The following PLXDC2 variants were observed in gnomAD, a reference collection of about 807,000 sequenced individuals.
PLXDC2 encodes plexin domain containing 2.
Under a neutral mutation model 68.9 loss-of-function variants are expected in PLXDC2, and 40 were observed. The ratio of observed to expected loss-of-function variants is 0.58; its 90% confidence interval spans 0.45 to 0.76. The LOEUF is 0.76. Among genes scored for constraint, PLXDC2 ranks in the 30% least tolerant of loss-of-function variants. The pLI, the probability that PLXDC2 is intolerant of heterozygous loss-of-function variation, is 0.00. For synonymous variants in PLXDC2, 243 were observed against 234.2 expected (o/e 1.04, Z -0.34); for missense variants, 644 against 661.9 (o/e 0.97, Z 0.30).
At chr10:20,001,061 AT>A (rs1238666585) in intron 1 of PLXDC2, among the ~76,000 whole-genome samples, 1 of 152,114 alleles carries the variant, frequency 6.6e-6, no homozygotes, top group Non-Finnish European at 1.5e-5. Context: ...TGCCTTTGTG[AT>A]TTGATCTCCT....
chr10:19,914,888 C>G (rs1401619496), intron 1 of PLXDC2, among the ~76,000 whole-genome samples: 1 of 152,158 alleles, frequency 6.6e-6, no homozygotes, highest in African/African-American at 2.4e-5. Flanking sequence ...TTTCATTGGT[C>G]TGAAGTCTAC....
chr10:20,174,779 A>T (rs966983352), intron 7 of PLXDC2, among the ~76,000 whole-genome samples: 6 of 152,050 alleles, frequency 3.9e-5, no homozygotes, highest in Non-Finnish European at 7.4e-5. Context: ...GTACCCTAGA[A>T]CTTAAAGTAT....
intron 2 of PLXDC2, among the ~76,000 whole-genome samples, chr10:20,032,893 A>G (rs993889861): frequency 6.6e-5 from 10 of 151,900 alleles, no homozygotes; most frequent in Non-Finnish European, 1.3e-4. Context: ...CTTATTACCC[A>G]GTTTTTGTAA....
intron 1 of PLXDC2, among the ~76,000 whole-genome samples, chr10:19,980,689 G>A (rs953167719): frequency 6.6e-6 from 1 of 152,212 alleles, no homozygotes. Flanking sequence ...ATTATAAGCA[G>A]GGAGAGAGAA....
intron 1 of PLXDC2, among the ~76,000 whole-genome samples, chr10:19,876,720 A>G (rs965105424): frequency 1.3e-5 from 2 of 151,978 alleles, no homozygotes; most frequent in East Asian, 1.9e-4. Flanking sequence ...AACTCTGTAT[A>G]TCAGTGTTTT....
At chr10:19,927,202 C>T (rs1218510379) in intron 1 of PLXDC2, among the ~76,000 whole-genome samples, 2 of 152,122 alleles carry the variant, frequency 1.3e-5, no homozygotes, top group African/African-American at 4.8e-5. Flanking sequence ...ATCAACCCCA[C>T]CTTGTGAAAG....
intron 1 of PLXDC2, among the ~76,000 whole-genome samples, chr10:19,916,585 T>G (rs2131377771): frequency 6.6e-6 from 1 of 152,344 alleles, no homozygotes; most frequent in Admixed American, 6.5e-5. Flanking sequence ...AGCTATGTAC[T>G]ATATAAAACA....
intron 12 of PLXDC2, among the ~76,000 whole-genome samples, chr10:20,225,899 T>G (rs9633645): frequency 0.33 from 49,639 of 151,992 alleles, 8,179 homozygotes; most frequent in Non-Finnish European, 0.37. Flanking sequence ...ACCCTCAGAA[T>G]CACTGTGGGT....
intron 1 of PLXDC2, among the ~76,000 whole-genome samples, chr10:19,884,017 A>G (rs778390600): frequency 4.8e-5 from 7 of 145,818 alleles, no homozygotes; most frequent in Non-Finnish European, 1.0e-4. Flanking sequence ...CTCAGCCTCC[A>G]TGTAGCCAGG....
rs1172664046 is a variant in PLXDC2 at position 20,259,153 on chromosome 10, A to AAC, written c.1473+13658_1473+13659dup. ...ATCTCCAAGTTAAAAAATATATATT[A>AAC]ACACACACACATATTTATTAATTCA... is the stretch of plus-strand genomic sequence containing the variant. On this transcript the variant is annotated intron_variant, in intron 13 of 13. Transcript: ENST00000377252. 2.6e-5 allele frequency among the ~76,000 whole-genome samples: 4 copies of AAC among 152,298 alleles called. No individual in the cohort carries two copies. The South Asian group carries it at 6.2e-4, about 24-fold the overall frequency.
intron 4 of PLXDC2, among the ~76,000 whole-genome samples, chr10:20,139,595 G>A (rs531352796): frequency 1.1e-4 from 16 of 152,206 alleles, no homozygotes; most frequent in African/African-American, 3.6e-4. Flanking sequence ...CAAAGACTTG[G>A]AACCAACCCA....
intron 1 of PLXDC2, among the ~76,000 whole-genome samples, chr10:19,908,363 G>A (rs1248538584): frequency 6.6e-6 from 1 of 152,086 alleles, no homozygotes; most frequent in Non-Finnish European, 1.5e-5. Context: ...GATTACAATT[G>A]TTAGAAGTAC....
At chr10:20,001,708 G>T (rs1038123108) in intron 1 of PLXDC2, 67 bp from the exon 2 acceptor site, 2 of 1,429,458 alleles carry the variant, frequency 1.4e-6, no homozygotes, top group Non-Finnish European at 1.9e-6. Context: ...TTCTTCTCGA[G>T]CCGATAGCAC....
intron 1 of PLXDC2, among the ~76,000 whole-genome samples, chr10:19,955,965 G>C (rs924707111): frequency 6.6e-6 from 1 of 152,110 alleles, no homozygotes; most frequent in African/African-American, 2.4e-5. Flanking sequence ...TGTAATCCCA[G>C]CTACTTGGGA....
At chr10:20,206,879 C>CAG (rs1321715177) in intron 9 of PLXDC2, among the ~76,000 whole-genome samples, 1 of 150,842 alleles carries the variant, frequency 6.6e-6, no homozygotes, top group Non-Finnish European at 1.5e-5. Flanking sequence ...CACACAGACA[C>CAG]ACACACACAC....
At chr10:19,932,036 T>G (rs1231512289) in intron 1 of PLXDC2, among the ~76,000 whole-genome samples, 1 of 151,992 alleles carries the variant, frequency 6.6e-6, no homozygotes, top group African/African-American at 2.4e-5. Context: ...CTTGCATGAC[T>G]GTATAAACAG....
intron 13 of PLXDC2, among the ~76,000 whole-genome samples, chr10:20,246,348 G>T (rs1453978869): frequency 1.3e-5 from 2 of 151,998 alleles, no homozygotes; most frequent in African/African-American, 4.8e-5. Context: ...GCATATGCAG[G>T]TTTTTTTTGT....
chr10:20,272,219 G>A (rs1373967893), intron 13 of PLXDC2, among the ~76,000 whole-genome samples: 2 of 152,098 alleles, frequency 1.3e-5, no homozygotes, highest in African/African-American at 2.4e-5. Context: ...GTGGCTTTTT[G>A]AAATGAATTA....
chr10:19,891,973 A>G (rs1837971562), intron 1 of PLXDC2, among the ~76,000 whole-genome samples: 1 of 152,176 alleles, frequency 6.6e-6, no homozygotes, highest in Admixed American at 6.5e-5. Context: ...TAATTTGCTT[A>G]TTTATAGAAA....
Sources: gnomAD v4.1 joint callset for allele counts (sites outside exome capture counted in the v4.1 genomes callset) on GRCh38, gnomAD v4.1.1 for gene constraint, MANE v1.5 for transcripts, NCBI Gene and HGNC (gene_info 2026-07-23, HGNC 2026-07-21) for gene names.